ASIC2: variants seen among roughly 807,000 people sequenced by gnomAD.
The protein encoded by ASIC2 is acid sensing ion channel subunit 2, also known as acid-sensing ion channel 2.
ASIC2 carries 25 observed loss-of-function variants against 57.3 expected under a neutral mutation model. The observed-to-expected ratio is 0.44, with a 90% CI of 0.32 to 0.61. ASIC2 has a LOEUF of 0.61. Among genes scored for constraint, ASIC2 ranks in the 20% least tolerant of loss-of-function variants. The probability of loss-of-function intolerance (pLI) is 0.06; values close to 1 mark genes in which losing one functional copy is unlikely to be tolerated. For synonymous variants in ASIC2, 319 were observed against 307.5 expected, an observed-to-expected ratio of 1.04 and a Z score of -0.39; for missense variants, 641 against 738.1, an observed-to-expected ratio of 0.87 and a Z score of 1.52.
intron 1 of ASIC2, among the ~76,000 whole-genome samples, chr17:33,902,739 T>C (rs1303194462): frequency 6.6e-6 from 1 of 152,180 alleles, no homozygotes; most frequent in Non-Finnish European, 1.5e-5. Context: ...CAGAGTCCAC[T>C]AGGAACCCAT....
At chr17:33,448,656 C>A (rs1912129541) in intron 1 of ASIC2, among the ~76,000 whole-genome samples, 1 of 152,150 alleles carries the variant, frequency 6.6e-6, no homozygotes, top group South Asian at 2.1e-4. Flanking sequence ...TCCTGTGAGT[C>A]CTGTGACACC....
intron 1 of ASIC2, among the ~76,000 whole-genome samples, chr17:34,026,172 A>G (rs958566419): frequency 6.6e-6 from 1 of 152,172 alleles, no homozygotes; most frequent in African/African-American, 2.4e-5. Context: ...TATTTTTTGC[A>G]GAGACTGTGG....
chr17:33,697,634 C>G (rs925237932), intron 1 of ASIC2, among the ~76,000 whole-genome samples: 4 of 152,154 alleles, frequency 2.6e-5, no homozygotes, highest in East Asian at 1.9e-4. Context: ...TTCTCCCAAC[C>G]ATGGCAGTAA....
At chr17:33,919,274 C>T (rs1298424551) in intron 1 of ASIC2, among the ~76,000 whole-genome samples, 1 of 152,120 alleles carries the variant, frequency 6.6e-6, no homozygotes, top group Non-Finnish European at 1.5e-5. Flanking sequence ...TGTCTGAGTC[C>T]AGTCGCTGAT....
intron 1 of ASIC2, among the ~76,000 whole-genome samples, chr17:33,917,891 C>CAT (rs1491427981): frequency 1.1e-5 from 1 of 88,914 alleles, no homozygotes; most frequent in Non-Finnish European, 2.5e-5. Flanking sequence ...CGTGCATGTG[C>CAT]ACACACACAC....
chr17:33,976,623 A>G (rs1230516955), intron 1 of ASIC2: 2 of 152,310 alleles, frequency 1.3e-5, no homozygotes, highest in East Asian at 1.9e-4. Flanking sequence ...GGAGGAGGGC[A>G]TCATTATCCT....
chr17:33,615,789 A>T (rs549731757), intron 1 of ASIC2, among the ~76,000 whole-genome samples: 1 of 152,320 alleles, frequency 6.6e-6, no homozygotes, highest in South Asian at 2.1e-4. Context: ...TAAACAGCTG[A>T]TCCTGGTACA....
At chr17:33,335,118 T>C (rs572508207) in intron 1 of ASIC2, among the ~76,000 whole-genome samples, 1 of 152,300 alleles carries the variant, frequency 6.6e-6, no homozygotes, top group African/African-American at 2.4e-5. Context: ...ATTGTGAGAA[T>C]GCAGCAATGG....
intron 1 of ASIC2, among the ~76,000 whole-genome samples, chr17:33,132,584 C>T (rs2092351376): frequency 6.6e-6 from 1 of 152,192 alleles, no homozygotes; most frequent in African/African-American, 2.4e-5. Context: ...CATGCATGCA[C>T]GTACATACAG....
chr17:33,387,560 C>T (rs902145137), intron 1 of ASIC2, among the ~76,000 whole-genome samples: 4 of 152,332 alleles, frequency 2.6e-5, no homozygotes, highest in African/African-American at 4.8e-5. Flanking sequence ...AGCAATTCTG[C>T]GCGCCTGCGC....
chr17:34,134,103 C>A (rs950415395), intron 1 of ASIC2, among the ~76,000 whole-genome samples: 1 of 152,162 alleles, frequency 6.6e-6, no homozygotes, highest in African/African-American at 2.4e-5. Context: ...AATTCAGAAG[C>A]CAGCATCCCT....
At chr17:33,723,980 C>G (rs745906332) in intron 1 of ASIC2, among the ~76,000 whole-genome samples, 4 of 152,096 alleles carry the variant, frequency 2.6e-5, no homozygotes, top group Non-Finnish European at 5.9e-5. Context: ...GTGTTCCCAC[C>G]CAAATTGCAT....
intron 1 of ASIC2, among the ~76,000 whole-genome samples, chr17:33,864,611 T>G (rs1451902422): frequency 6.6e-6 from 1 of 152,042 alleles, no homozygotes; most frequent in African/African-American, 2.4e-5. Flanking sequence ...GGGCTGGGGA[T>G]GAAGGTGGAG....
chr17:33,522,800 C>T (rs759834606), intron 1 of ASIC2, among the ~76,000 whole-genome samples: 6 of 152,198 alleles, frequency 3.9e-5, no homozygotes, highest in Admixed American at 2.0e-4. Context: ...CACACGAGAG[C>T]GCCACCTCCA....
Position 33,291,398 on chromosome 17 carries a change from G to A in ASIC2, c.708+10C>T, listed in dbSNP as rs1905437025. 5 of 1,589,224 alleles carry A rather than the reference G, an allele frequency of 3.1e-6. No homozygotes were observed. The highest frequency in any genetic ancestry group is 2.3e-5 in the South Asian group (2 of 88,494). The stretch of plus-strand genomic sequence containing the variant: ...GCAGAGGGAGCGGGTTCGCGCGGAG[G>A]GCAACTCACGGAGGAGAAGTTGTGC... On this transcript the variant is annotated intron_variant, in intron 1 of 9. Transcript: ENST00000225823.
intron 1 of ASIC2, among the ~76,000 whole-genome samples, chr17:33,335,738 A>G (rs2142230942): frequency 6.6e-6 from 1 of 152,320 alleles, no homozygotes; most frequent in South Asian, 2.1e-4. Flanking sequence ...CCACATAGTC[A>G]TGAACGTGAG....
At chr17:33,493,297 C>T (rs1207356769) in intron 1 of ASIC2, among the ~76,000 whole-genome samples, 4 of 152,164 alleles carry the variant, frequency 2.6e-5, no homozygotes, top group African/African-American at 9.7e-5. Flanking sequence ...TCCTGTCCTT[C>T]TTGTCATATA....
At chr17:34,107,936 C>G (rs943723820) in intron 1 of ASIC2, among the ~76,000 whole-genome samples, 3 of 152,150 alleles carry the variant, frequency 2.0e-5, no homozygotes, top group African/African-American at 7.2e-5. Context: ...TCATACTTTT[C>G]CATCCCACCT....
intron 2 of ASIC2, among the ~76,000 whole-genome samples, chr17:33,107,569 C>T (rs945611380): frequency 6.6e-6 from 1 of 152,148 alleles, no homozygotes; most frequent in Non-Finnish European, 1.5e-5. Context: ...TCACGGTGCC[C>T]CACATGAAGA....
Sources: gnomAD v4.1 joint callset for allele counts (sites outside exome capture counted in the v4.1 genomes callset) on GRCh38, gnomAD v4.1.1 for gene constraint, MANE v1.5 for transcripts, NCBI Gene and HGNC (gene_info 2026-07-23, HGNC 2026-07-21) for gene names.